Variants in SLC4A10 observed in about 807,000 individuals in gnomAD.
SLC4A10 encodes the protein sodium-driven chloride bicarbonate exchanger.
In SLC4A10, 42 loss-of-function variants were observed where a neutral mutation model predicts 137.7. The observed-to-expected ratio is 0.30, with a 90% CI of 0.24 to 0.39. SLC4A10 has a LOEUF of 0.39. Ranked by LOEUF, SLC4A10 falls within the 10% of genes least tolerant of loss-of-function variation. The probability of loss-of-function intolerance (pLI) is 1.00; values close to 1 mark genes in which losing one functional copy is unlikely to be tolerated. For missense variants in SLC4A10, 925 were observed against 1,355.0 expected, an observed-to-expected ratio of 0.68 and a Z score of 4.98; for synonymous variants, 474 against 464.1, an observed-to-expected ratio of 1.02 and a Z score of -0.27.
chr2:161,750,585 G>A (rs532311760), intron 1 of SLC4A10, among the ~76,000 whole-genome samples: 2 of 151,894 alleles, frequency 1.3e-5, no homozygotes, highest in African/African-American at 4.8e-5. Context: ...TGACATCGTG[G>A]TTGGAAGATA....
chr2:161,788,449 A>G (rs2053867406), intron 2 of SLC4A10, among the ~76,000 whole-genome samples: 1 of 151,830 alleles, frequency 6.6e-6, no homozygotes, highest in African/African-American at 2.4e-5. Context: ...CAACTGTCCT[A>G]ATTGAGGTTA....
chr2:161,963,816 G>A (rs572263239), intron 21 of SLC4A10, among the ~76,000 whole-genome samples: 152 of 152,246 alleles, frequency 1.0e-3, no homozygotes, highest in African/African-American at 3.5e-3. Flanking sequence ...CAATGAAAAA[G>A]AAGATGGTTA....
At chr2:161,690,963 A>T (rs917876141) in intron 1 of SLC4A10, among the ~76,000 whole-genome samples, 4 of 151,826 alleles carry the variant, frequency 2.6e-5, no homozygotes, top group East Asian at 1.9e-4. Flanking sequence ...ATATTAAATT[A>T]AAAAAAAGAA....
intron 26 of SLC4A10, among the ~76,000 whole-genome samples, chr2:161,978,905 TTCTC>T (rs1699813990): frequency 6.6e-6 from 1 of 152,180 alleles, no homozygotes; most frequent in Non-Finnish European, 1.5e-5. Context: ...TTAACTTCCT[TTCTC>T]AAAGATCCTT....
In SLC4A10 at chr2:161,700,026, A is replaced by G. The variant is rs1028436234; in HGVS notation, c.49-70947A>G. On this transcript the variant is annotated intron_variant, in intron 1 of 26. Coordinates refer to ENST00000446997, the MANE Select transcript of SLC4A10 (RefSeq NM_001178015.2). The stretch of plus-strand genomic sequence containing the variant: ...TGATAAAATATCCTAGGGTTATTAA[A>G]TGGCAGCACTAAGATCTGAACCAAG... Among the ~76,000 whole-genome samples the G allele has an allele frequency of 1.2e-4, 19 of 152,204 alleles. 1 individual carries two copies. The highest frequency in any genetic ancestry group is 1.1e-3 in the Admixed American group (17 of 15,272).
intron 2 of SLC4A10, among the ~76,000 whole-genome samples, chr2:161,778,618 CATAA>C (rs1174862882): frequency 6.6e-5 from 10 of 151,824 alleles, no homozygotes; most frequent in Admixed American, 2.6e-4. Flanking sequence ...ACATTTAACA[CATAA>C]ATACAGAAGT....
intron 3 of SLC4A10, among the ~76,000 whole-genome samples, chr2:161,808,173 A>T (rs183646640): frequency 2.3e-4 from 35 of 152,164 alleles, no homozygotes; most frequent in Non-Finnish European, 2.4e-4. Flanking sequence ...AAATGCTTAA[A>T]CATGTCCTAT....
intron 17 of SLC4A10, among the ~76,000 whole-genome samples, chr2:161,948,285 G>C (rs1694187550): frequency 6.6e-6 from 1 of 151,968 alleles, no homozygotes; most frequent in Admixed American, 6.6e-5. Context: ...AAAAGGAAAA[G>C]AAACAAGGAA....
intron 1 of SLC4A10, among the ~76,000 whole-genome samples, chr2:161,629,577 T>C (rs1007010902): frequency 4.6e-5 from 7 of 151,854 alleles, no homozygotes; most frequent in African/African-American, 9.7e-5. Flanking sequence ...AAGTCCACAG[T>C]TTGCATTAGG....
At chr2:161,901,204 T>C in intron 12 of SLC4A10, 193 bp downstream of exon 12, 1 of 551,300 alleles carries the variant, frequency 1.8e-6, no homozygotes, top group East Asian at 3.2e-5. Context: ...AAACAGTGGA[T>C]ACACCCTTCC....
chr2:161,783,020 A>C (rs1182739194), intron 2 of SLC4A10, among the ~76,000 whole-genome samples: 1 of 152,004 alleles, frequency 6.6e-6, no homozygotes, highest in Non-Finnish European at 1.5e-5. Context: ...TAGAGATATC[A>C]ACACTAAGAC....
intron 2 of SLC4A10, among the ~76,000 whole-genome samples, chr2:161,804,124 T>C (rs1164021069): frequency 6.6e-6 from 1 of 151,740 alleles, no homozygotes. Context: ...TGTCTGAAGG[T>C]AGAGAGAATA....
intron 2 of SLC4A10, among the ~76,000 whole-genome samples, chr2:161,790,454 G>A (rs1267062584): frequency 6.6e-6 from 1 of 152,068 alleles, no homozygotes; most frequent in Non-Finnish European, 1.5e-5. Context: ...GTGCAACTTA[G>A]TAGTGTTGAT....
chr2:161,916,367 GA>G (rs1437747391), intron 15 of SLC4A10, among the ~76,000 whole-genome samples: 1 of 152,052 alleles, frequency 6.6e-6, no homozygotes, highest in African/African-American at 2.4e-5. Context: ...TCTCTATATA[GA>G]ATACAAACAC....
intron 1 of SLC4A10, among the ~76,000 whole-genome samples, chr2:161,638,785 A>T (rs962600428): frequency 2.6e-5 from 4 of 151,898 alleles, no homozygotes; most frequent in Non-Finnish European, 2.9e-5. Context: ...TGTCTTCTTC[A>T]ATTTCTTTCC....
chr2:161,830,921 T>C (rs930997687), intron 3 of SLC4A10, among the ~76,000 whole-genome samples: 5 of 152,192 alleles, frequency 3.3e-5, no homozygotes, highest in Admixed American at 6.5e-5. Context: ...TTTGTTTGTA[T>C]ATGAATATGC....
At chr2:161,886,832 T>C (rs188029846) in intron 10 of SLC4A10, among the ~76,000 whole-genome samples, 1 of 152,302 alleles carries the variant, frequency 6.6e-6, no homozygotes, top group East Asian at 1.9e-4. Context: ...GGAATACATG[T>C]GCAGAACGTG....
rs764141107 is a variant in SLC4A10 at position 161,976,762 on chromosome 2, A to T, written c.3230A>T (p.Asp1077Val). ...VQLPLEGHYRDDPSVINISDE... is the reference protein window; with the variant it reads ...VQLPLEGHYRVDPSVINISDE... The stretch of plus-strand genomic sequence containing the variant: ...CATTTGGGGAAACTCCTGTCTAGAG[A>T]TGATCCATCTGTGATCAATATATCT... Residue 1077 changes from aspartate (D) to valine (V), a missense_variant and splice_region_variant, in exon 25 of 27, where the codon GAT becomes GTT. This residue lies in a region of SLC4A10 where 84 missense variants were observed against 76.9 expected (regional missense o/e 1.09). Coordinates refer to ENST00000446997, the MANE Select transcript of SLC4A10 (RefSeq NM_001178015.2). 58 of 1,544,836 alleles carry T rather than the reference A, an allele frequency of 3.8e-5. No homozygotes were observed. The highest frequency in any genetic ancestry group is 4.9e-5 in the Non-Finnish European group (56 of 1,139,316).
chr2:161,754,481 T>A (rs1322646894), intron 1 of SLC4A10, among the ~76,000 whole-genome samples: 1 of 152,160 alleles, frequency 6.6e-6, no homozygotes, highest in Non-Finnish European at 1.5e-5. Flanking sequence ...CTCATATGAA[T>A]TATGGCTTTT....
Sources: gnomAD v4.1 joint callset for allele counts (sites outside exome capture counted in the v4.1 genomes callset) on GRCh38, gnomAD v4.1.1 for gene constraint, gnomAD v4.1.1 regional missense constraint, MANE v1.5 for transcripts, NCBI Gene and HGNC (gene_info 2026-07-23, HGNC 2026-07-21) for gene names.